SPINK14: variants seen among roughly 807,000 people sequenced by gnomAD.
SPINK14 encodes the protein serine protease inhibitor Kazal-type 14.
SPINK14 carries 6 observed loss-of-function variants against 14.2 expected under a neutral mutation model. The ratio of observed to expected loss-of-function variants is 0.42; its 90% CI spans 0.23 to 0.83. SPINK14 has a LOEUF of 0.83. SPINK14 is among the 40% of genes least tolerant of loss of function. The pLI is 0.28. For missense variants in SPINK14, 86 were observed against 108.3 expected (o/e 0.79, Z 0.91); for synonymous variants, 34 against 36.8 (o/e 0.92, Z 0.27).
At chr5:148,174,393 A>G in intron 4 of SPINK14, 23 bp downstream of exon 4, 1 of 1,089,414 alleles carries the variant, frequency 9.2e-7, no homozygotes. Context: ...TGGGGAAAAG[A>G]GGGGAACTGT....
At chr5:148,175,259 T>A (rs1308182298) in intron 4 of SPINK14, 94 bp from the exon 5 acceptor site, 1 of 828,890 alleles carries the variant, frequency 1.2e-6, no homozygotes, top group Non-Finnish European at 1.9e-6. Flanking sequence ...TTTCCAAATA[T>A]AAAACCAGGT....
intron 2 of SPINK14, among the ~76,000 whole-genome samples, chr5:148,170,573 T>C (rs1158972335): frequency 1.3e-5 from 2 of 152,090 alleles, no homozygotes; most frequent in Admixed American, 6.6e-5. Flanking sequence ...TAAAAAAATA[T>C]GATGATTGGG....
At chr5:148,171,648 C>A (rs1186814300) in intron 3 of SPINK14, among the ~76,000 whole-genome samples, 1 of 152,070 alleles carries the variant, frequency 6.6e-6, no homozygotes, top group Non-Finnish European at 1.5e-5. Flanking sequence ...AGTATTAGCA[C>A]CTTAAGCTTT....
At chr5:148,169,433 T>TA (rs1468910113) in intron 1 of SPINK14, among the ~76,000 whole-genome samples, 1 of 152,146 alleles carries the variant, frequency 6.6e-6, no homozygotes, top group Non-Finnish European at 1.5e-5. Context: ...ATAATACACT[T>TA]ATGCCCACAG....
At chr5:148,174,165 A>G in intron 3 of SPINK14, 69 bp from the exon 4 acceptor site, 1 of 912,814 alleles carries the variant, frequency 1.1e-6, no homozygotes, top group Non-Finnish European at 1.6e-6. Flanking sequence ...TTTTCCTAAT[A>G]AAGTTCAAAG....
chr5:148,171,164 A>T (rs985078769), intron 3 of SPINK14, among the ~76,000 whole-genome samples, 191 bp downstream of exon 3: 3 of 152,160 alleles, frequency 2.0e-5, no homozygotes, highest in African/African-American at 7.2e-5. Context: ...GAACCCAGAC[A>T]ACATTCACTC....
chr5:148,174,359 T>G lies in SPINK14; in HGVS notation c.237T>G (p.Cys79Trp), dbSNP rs1390172535. The change falls in exon 4 of 5, where the codon TGT becomes TGG. Residue 79 changes from cysteine to tryptophan, a missense_variant. Transcript: ENST00000356972. ...CCTATGATAATCCCTGCATTCTGTG[T>G]GTTGAGAGCTTGTGAGTACTATTTG... The part of the protein sequence containing the change: ...FITYDNPCIL[C>W]VESLKSHGRI... The G allele has an allele frequency of 9.0e-7, 1 of 1,113,566 alleles. No individual in the cohort carries two copies. The highest frequency in any genetic ancestry group is 2.0e-5 in the Admixed American group (1 of 49,030). The allele number at this position is 1,113,566 out of a possible 1,614,324, so 69.0% of individuals were successfully genotyped here. A position where few individuals can be genotyped will look rare whatever the true frequency, so the allele number is the denominator to read the frequency against.
chr5:148,175,268 G>T (rs910361946), intron 4 of SPINK14, 85 bp from the exon 5 acceptor site: 6 of 907,686 alleles, frequency 6.6e-6, no homozygotes, highest in Non-Finnish European at 1.0e-5. Context: ...ATAAAACCAG[G>T]TTTTAGATAG....
At chr5:148,170,840 T>A in intron 2 of SPINK14, 90 bp from the exon 3 acceptor site, 1 of 1,137,420 alleles carries the variant, frequency 8.8e-7, no homozygotes, top group Non-Finnish European at 1.3e-6. Flanking sequence ...ACTTCCTTGA[T>A]AATAAATTAG....
chr5:148,175,067 T>C (rs1755150247), intron 4 of SPINK14, among the ~76,000 whole-genome samples: 1 of 32,432 alleles, frequency 3.1e-5, no homozygotes, highest in Non-Finnish European at 7.0e-5. Context: ...TAGTTGAGGA[T>C]TGACATGCCT....
intron 2 of SPINK14, among the ~76,000 whole-genome samples, chr5:148,170,173 T>TATACACAC (rs1554109827): frequency 4.5e-5 from 6 of 133,844 alleles, no homozygotes; most frequent in African/African-American, 1.8e-4. Context: ...TATATATATA[T>TATACACAC]ACACACACAC....
chr5:148,172,938 G>T (rs977970075), intron 3 of SPINK14, among the ~76,000 whole-genome samples: 1 of 152,072 alleles, frequency 6.6e-6, no homozygotes, highest in Non-Finnish European at 1.5e-5. Context: ...AGGTCACATA[G>T]GGACTTTTAG....
Position 148,171,003 on chromosome 5 carries a change from C to T in SPINK14, c.111+30C>T, listed in dbSNP as rs73795011. On this transcript the variant is annotated intron_variant, in intron 3 of 4. Coordinates refer to ENST00000356972, the MANE Select transcript of SPINK14 (RefSeq NM_001001325.2). ...TGTTCCATTAAATTTCCCCCCAGGACTTACATTATAATATGAGTTCTTTTT... is the reference window on the plus strand; with the variant it reads ...TGTTCCATTAAATTTCCCCCCAGGATTTACATTATAATATGAGTTCTTTTT... The T allele has an allele frequency of 6.6e-4, 1,053 of 1,600,904 alleles. 6 individuals carry two copies. In the African/African-American group the frequency reaches 8.7e-3, roughly 13 times the overall value.
At chr5:148,174,125 T>G in intron 3 of SPINK14, 109 bp from the exon 4 acceptor site, 114 of 623,106 alleles carry the variant, frequency 1.8e-4, no homozygotes, top group Non-Finnish European at 2.6e-4. Flanking sequence ...ATGACAGGCA[T>G]GAGCCACCAC....
At chr5:148,170,213 TAGAGAG>T (rs577903742) in intron 2 of SPINK14, among the ~76,000 whole-genome samples, 13 of 143,236 alleles carry the variant, frequency 9.1e-5, no homozygotes, top group Non-Finnish European at 1.6e-4. Flanking sequence ...TATATATATA[TAGAGAG>T]AGAGAGTCTA....
chr5:148,169,928 AT>A, intron 2 of SPINK14, 129 bp downstream of exon 2: 1 of 463,052 alleles, frequency 2.2e-6, no homozygotes, highest in Admixed American at 4.3e-5. Flanking sequence ...GTATATATAT[AT>A]AAATTATCCA....
chr5:148,172,682 A>G (rs1021049047), intron 3 of SPINK14, among the ~76,000 whole-genome samples: 34 of 152,182 alleles, frequency 2.2e-4, no homozygotes, highest in Non-Finnish European at 3.8e-4. Flanking sequence ...AAAAATAAAT[A>G]ACAGAGAGTT....
rs753034686 is a variant in SPINK14 at position 148,170,991 on chromosome 5, T to A, written c.111+18T>A. ...TTATTAAGGTAATGTTCCATTAAAT[T>A]TCCCCCCAGGACTTACATTATAATA... is the stretch of plus-strand genomic sequence containing the variant. On this transcript the variant is annotated intron_variant, in intron 3 of 4. Transcript: ENST00000356972. 1 of 1,610,864 alleles carries A rather than the reference T, an allele frequency of 6.2e-7. No homozygotes were observed. Among genetic ancestry groups the A allele is most frequent in the Non-Finnish European group, 8.5e-7 (1 of 1,177,514 alleles).
In SPINK14 at chr5:148,168,693, A is replaced by G. The variant is rs72831158; in HGVS notation, c.-73+126A>G. On this transcript the variant is annotated intron_variant, in intron 1 of 4. Transcript: ENST00000356972. ...GGAGGAAGCCAGGGAAAATATCAGG[A>G]TGAGATGGGGGTGTGTTTAGCAAAA... 6.2e-3 allele frequency among the ~76,000 whole-genome samples: 941 copies of G among 152,158 alleles called. 11 individuals are homozygous for G. The highest frequency in any genetic ancestry group is 8.8e-3 in the Non-Finnish European group (596 of 68,004).
Sources: allele counts gnomAD v4.1 joint callset (sites outside exome capture counted in the v4.1 genomes callset), GRCh38; gene constraint gnomAD v4.1.1; transcripts MANE v1.5; gene names NCBI Gene and HGNC (gene_info 2026-07-23, HGNC 2026-07-21).